Variants in TXNDC12 observed in about 807,000 individuals in gnomAD.
The protein encoded by TXNDC12 is thioredoxin domain containing 12, also known as thioredoxin domain-containing protein 12.
TXNDC12 carries 22 observed loss-of-function variants against 24.2 expected under a neutral mutation model. The observed-to-expected ratio is 0.91, with a 90% CI of 0.65 to 1.30. The LOEUF is 1.30. Ranked by LOEUF, TXNDC12 falls within the 50% of genes most tolerant of loss-of-function variation. The pLI is 0.00. For missense variants in TXNDC12, 184 were observed against 205.8 expected (o/e 0.89, Z 0.65); for synonymous variants, 58 against 73.4 (o/e 0.79, Z 1.07).
intron 2 of TXNDC12, chr1:52,033,831 C>A (rs1685831712): frequency 4.1e-6 from 6 of 1,471,652 alleles, no homozygotes; most frequent in Non-Finnish European, 5.4e-6. Context: ...CCGACGTAAG[C>A]CGGAAGTGCA....
chr1:52,020,640 CCAAGTGGCT>C lies in TXNDC12; in HGVS notation c.*284_*292del. On this transcript the variant is annotated 3_prime_UTR_variant, in exon 7 of 7. Coordinates refer to ENST00000371626, the MANE Select transcript of TXNDC12 (RefSeq NM_015913.4). ...ATACTTAAGTGCGAGGAGTAAACAT[CCAAGTGGCT>C]CAAGTTTTGTGTCAGAAGGTTTCAT... is the stretch of plus-strand genomic sequence containing the variant. 1 of 387,644 alleles carries C rather than the reference CCAAGTGGCT, an allele frequency of 2.6e-6. No homozygotes were observed. The highest frequency in any genetic ancestry group is 4.6e-6 in the Non-Finnish European group (1 of 215,976). 24.0% of individuals were successfully genotyped at this position (387,644 alleles called of 1,614,324 possible). A position where few individuals can be genotyped will look rare whatever the true frequency, so the allele number is the denominator to read the frequency against.
At chr1:52,034,030 C>T in intron 2 of TXNDC12, 1 of 1,380,250 alleles carries the variant, frequency 7.2e-7, no homozygotes, top group East Asian at 2.7e-5. Flanking sequence ...GAAAGACTGC[C>T]CGTCCATTTT....
At chr1:52,045,881 C>T (rs1289854130) in intron 1 of TXNDC12, among the ~76,000 whole-genome samples, 4 of 152,000 alleles carry the variant, frequency 2.6e-5, no homozygotes, top group Non-Finnish European at 5.9e-5. Flanking sequence ...ATTTTGGACT[C>T]CTAGCCTCCA....
rs569954020 is a variant in TXNDC12 at position 52,042,189 on chromosome 1, C to T, written c.98-592G>A. 8.1e-4 allele frequency among the ~76,000 whole-genome samples: 123 copies of T among 152,294 alleles called. 1 individual carries two copies. In the South Asian group the frequency reaches 0.016, roughly 19 times the overall value. On this transcript the variant is annotated intron_variant, in intron 1 of 6. Coordinates refer to ENST00000371626, the MANE Select transcript of TXNDC12 (RefSeq NM_015913.4). ...TTGTTATTATTATTCCCACAATTCA[C>T]CCAGAGTAATCTTCCTATTTTATTT...
chr1:52,021,560 C>CA (rs901244160), intron 6 of TXNDC12, among the ~76,000 whole-genome samples: 8,930 of 54,568 alleles, frequency 0.16, 610 homozygotes, highest in African/African-American at 0.27. Flanking sequence ...GTTCTCAGGC[C>CA]AAAAAAAAAA....
At chr1:52,032,934 C>G (rs1685795631) in intron 2 of TXNDC12, 2 of 1,600,374 alleles carry the variant, frequency 1.2e-6, no homozygotes, top group Non-Finnish European at 1.7e-6. Flanking sequence ...GACTCGTGAC[C>G]TGGTCCAACT....
intron 2 of TXNDC12, chr1:52,032,989 T>C: frequency 6.4e-7 from 1 of 1,566,322 alleles, no homozygotes; most frequent in South Asian, 1.2e-5. Context: ...CTGCGTAGAC[T>C]GATGGGGTGG....
At chr1:52,049,730 A>G (rs1325571383) in intron 1 of TXNDC12, among the ~76,000 whole-genome samples, 1 of 151,124 alleles carries the variant, frequency 6.6e-6, no homozygotes, top group Non-Finnish European at 1.5e-5. Flanking sequence ...TAGAGATAGG[A>G]TCTTGCTATG....
chr1:52,024,249 C>T (rs1460792948), intron 5 of TXNDC12, among the ~76,000 whole-genome samples: 1 of 152,178 alleles, frequency 6.6e-6, no homozygotes, highest in Non-Finnish European at 1.5e-5. Flanking sequence ...ATCTCAGCCT[C>T]CCAAAGTGCT....
At position 52,027,357 on chromosome 1, in the gene TXNDC12, A is replaced by G. The variant is rs1006863880; in HGVS notation, c.212-9T>C. The G allele has an allele frequency of 6.9e-6, 11 of 1,599,368 alleles. No individual in the cohort carries two copies. The highest frequency in any genetic ancestry group is 2.7e-5 in the African/African-American group (2 of 74,498). On this transcript the variant is annotated splice_polypyrimidine_tract_variant and intron_variant, in intron 3 of 6. Transcript: ENST00000371626. ...AAATTTGGGCTTTAGAGCTGGGGGG[A>G]AAAAGATTTTGGAATAGAAGAAAAA...
chr1:52,047,791 G>A (rs1368482399), intron 1 of TXNDC12, among the ~76,000 whole-genome samples: 2 of 151,932 alleles, frequency 1.3e-5, no homozygotes, highest in Admixed American at 1.3e-4. Flanking sequence ...CTAAATATGA[G>A]ACAACTCCTT....
intron 2 of TXNDC12, 74 bp from the exon 3 acceptor site, chr1:52,028,704 G>T: frequency 8.8e-7 from 1 of 1,139,910 alleles, no homozygotes. Context: ...ATTAATATGT[G>T]AAGACATTTC....
At chr1:52,027,433 T>C (rs977817396) in intron 3 of TXNDC12, 85 bp from the exon 4 acceptor site, 9 of 1,074,520 alleles carry the variant, frequency 8.4e-6, no homozygotes, top group South Asian at 6.8e-5. Context: ...ACTATTTCTC[T>C]TTGGTAGTTT....
rs75251405 is a variant in TXNDC12 at position 52,027,321 on chromosome 1, G to A, written c.239C>T (p.Thr80Met). 2.0e-3 allele frequency: 3,287 copies of A among 1,613,128 alleles called. 74 individuals are homozygous for A. In the African/African-American group the frequency reaches 0.039, roughly 19 times the overall value. ...ATTATGGGAGAGTTCTGAAATTTCC[G>A]TAGATTCTGCAAATTTGGGCTTTAG... ...KALKPKFAESTEISELSHNFV... is the reference protein window; with the variant it reads ...KALKPKFAESMEISELSHNFV... The change falls in exon 4 of 7, where the codon ACG (threonine) becomes ATG (methionine). Residue 80 changes from threonine (T) to methionine (M), a missense_variant. By Grantham distance (81) the Thr-to-Met change is moderately conservative. Coordinates refer to ENST00000371626, the MANE Select transcript of TXNDC12 (RefSeq NM_015913.4).
rs113949736 is a variant in TXNDC12, at chr1:52,042,349, AC to A, written c.98-753del. ...CCAATGCCCTAAAGATAAAGGTCCAACTCTTGCAGTAGGGTTTACAAAGCCT... is the reference window on the plus strand; with the variant it reads ...CCAATGCCCTAAAGATAAAGGTCCAATCTTGCAGTAGGGTTTACAAAGCCT... On this transcript the variant is annotated intron_variant, in intron 1 of 6. Transcript: ENST00000371626. Among the ~76,000 whole-genome samples, 291 of 152,078 alleles carry A rather than the reference AC, an allele frequency of 1.9e-3. 1 individual carries two copies. Among genetic ancestry groups the A allele is most frequent in the African/African-American group, 6.8e-3 (283 of 41,480 alleles).
At chr1:52,029,059 C>A (rs926783556) in intron 2 of TXNDC12, among the ~76,000 whole-genome samples, 6 of 152,132 alleles carry the variant, frequency 3.9e-5, no homozygotes, top group African/African-American at 1.4e-4. Context: ...GCCTGGGAGG[C>A]AGAGGTTGCA....
chr1:52,023,377 A>G, intron 6 of TXNDC12, 114 bp downstream of exon 6: 1 of 790,080 alleles, frequency 1.3e-6, no homozygotes, highest in East Asian at 2.7e-5. Flanking sequence ...AGCTATAGAC[A>G]TGCAGGAGAT....
intron 2 of TXNDC12, 111 bp downstream of exon 2, chr1:52,041,426 A>G (rs1685987950): frequency 3.4e-6 from 2 of 595,618 alleles, no homozygotes; most frequent in Non-Finnish European, 5.9e-6. Context: ...TAATTAGGCA[A>G]CTATTCAGTT....
intron 1 of TXNDC12, among the ~76,000 whole-genome samples, chr1:52,044,742 C>T (rs972472600): frequency 4.6e-5 from 7 of 152,004 alleles, no homozygotes; most frequent in Non-Finnish European, 1.0e-4. Context: ...GGGAGGCCGA[C>T]GTGGATGGAT....
Sources: gnomAD v4.1 joint callset for allele counts (sites outside exome capture counted in the v4.1 genomes callset) on GRCh38, gnomAD v4.1.1 for gene constraint, MANE v1.5 for transcripts, NCBI Gene and HGNC (gene_info 2026-07-23, HGNC 2026-07-21) for gene names.